The following MYH3 variants were observed in gnomAD, a reference collection of about 807,000 sequenced individuals.
MYH3 encodes the protein myosin-3.
MYH3 carries 130 observed loss-of-function variants against 238.0 expected under a neutral mutation model. That is an observed-to-expected ratio of 0.55 (90% CI 0.47 to 0.63). The LOEUF (loss-of-function observed/expected upper bound fraction) is 0.63. Ranked by LOEUF, MYH3 falls within the 30% of genes least tolerant of loss-of-function variation. The pLI is 0.00. For missense variants in MYH3, 1,853 were observed against 2,374.9 expected (o/e 0.78, Z 4.57); for synonymous variants, 880 against 924.1 (o/e 0.95, Z 0.86).
At chr17:10,671,671 C>G in the MYH3 span, among the ~76,000 whole-genome samples, 1 of 148,266 alleles carries the variant, frequency 6.7e-6, no homozygotes, top group African/African-American at 2.5e-5. Flanking sequence ...GCTCCGCCTC[C>G]CGGGTTCATG....
At chr17:10,668,688 G>C in the MYH3 span, among the ~76,000 whole-genome samples, 178 of 152,272 alleles carry the variant, frequency 1.2e-3, 1 homozygote, top group African/African-American at 4.1e-3. Context: ...CTTACTTATA[G>C]GAGTTTTAGA....
At chr17:10,670,289 T>C in the MYH3 span, among the ~76,000 whole-genome samples, 1 of 152,206 alleles carries the variant, frequency 6.6e-6, no homozygotes, top group African/African-American at 2.4e-5. This position sits in a 1 kb window ranked among gnomAD's most constrained non-coding sequence, Gnocchi z 7.0. Flanking sequence ...GCATCATCAG[T>C]GGATCACAGC....
rs753794812 is a variant in MYH3, at chr17:10,632,621, G to A, written c.4811C>T (p.Ala1604Val). 4 of 1,614,064 alleles carry A rather than the reference G, an allele frequency of 2.5e-6. No homozygotes were observed. Among genetic ancestry groups the A allele is most frequent in the Non-Finnish European group, 3.4e-6 (4 of 1,180,022 alleles). ...GGCTTCATTCCTGCTCCGCACCTCG[G>A]CGTCCAGGGCGCTCTGCATGGTTTC... The part of the protein sequence containing the change: ...TVETMQSALD[A>V]EVRSRNEAIR... The change falls in exon 34 of 41, where the codon GCC becomes GTC. Residue 1604 changes from alanine (A) to valine (V), a missense_variant. This residue lies in a region of MYH3 where 1,044 missense variants were observed against 1,192.6 expected (regional missense o/e 0.88). Coordinates refer to ENST00000583535, the MANE Select transcript of MYH3 (RefSeq NM_002470.4).
chr17:10,640,711 C>T, intron 19 of MYH3, 25 bp from the exon 20 acceptor site: 1 of 1,612,580 alleles, frequency 6.2e-7, no homozygotes, highest in Non-Finnish European at 8.5e-7. Context: ...TGGAAATCAT[C>T]ACAGACTGTT....
chr17:10,633,866 A>G, intron 32 of MYH3, 151 bp from the exon 33 acceptor site: 2 of 1,476,572 alleles, frequency 1.4e-6, no homozygotes, highest in Non-Finnish European at 1.9e-6. Context: ...GAGAGGCTAA[A>G]ACGTAACCCG....
chr17:10,635,919 G>A, intron 28 of MYH3, 66 bp from the exon 29 acceptor site: 1 of 1,314,962 alleles, frequency 7.6e-7, no homozygotes, highest in South Asian at 1.2e-5. Flanking sequence ...TTTCTATTAT[G>A]TGTAGGGCAC....
the MYH3 span, among the ~76,000 whole-genome samples, chr17:10,665,246 G>A: frequency 4.1e-4 from 62 of 152,182 alleles, no homozygotes; most frequent in African/African-American, 1.3e-3. Flanking sequence ...GGGTTCAAGC[G>A]ATTCTCCTGC....
At chr17:10,632,325 C>T (rs1336619286) in intron 34 of MYH3, 151 bp downstream of exon 34, 5 of 947,450 alleles carry the variant, frequency 5.3e-6, no homozygotes, top group Non-Finnish European at 8.3e-6. Flanking sequence ...TGCTATATTG[C>T]CCAGGCTGGT....
rs1567563639 is a variant in MYH3 at position 10,654,162 on chromosome 17, T to TTCC, written c.204+698_204+699insGGA. 2.5e-4 allele frequency among the ~76,000 whole-genome samples: 6 copies of TTCC among 23,980 alleles called. No homozygotes were observed. Among genetic ancestry groups the TTCC allele is most frequent in the Admixed American group, 1.2e-3 (3 of 2,564 alleles). The allele number at this position is 23,980 out of a possible 152,430, so 15.7% of individuals were successfully genotyped here. A position where few individuals can be genotyped will look rare whatever the true frequency, so the allele number is the denominator to read the frequency against. ...TTCTTTCTTTCTTTCTCTTTCTTTC[T>TTCC]TTCCTTCCTTCCTTGCTTTCTTTCT... On this transcript the variant is annotated intron_variant, in intron 3 of 40. Transcript: ENST00000583535. This position sits in a 1 kb window ranked among gnomAD's most constrained non-coding sequence, Gnocchi z 4.5.
rs746477791 is a variant in MYH3 at position 10,632,503 on chromosome 17, G to A, written c.4929C>T (p.His1643=). ...ANRQAAETLK[H]LRSVQGQLKD... ...TCAGCTGTCCCTGGACACTCCTGAG[G>A]TGTTTGAGGGTCTCCGCCGCCTGGC... Residue 1643 remains histidine (H), a synonymous_variant, in exon 34 of 41, where the codon CAC becomes CAT. Coordinates refer to ENST00000583535, the MANE Select transcript of MYH3 (RefSeq NM_002470.4). 2.5e-6 allele frequency: 4 copies of A among 1,614,014 alleles called. No homozygotes were observed. Among genetic ancestry groups the A allele is most frequent in the South Asian group, 1.1e-5 (1 of 91,082 alleles).
Position 10,635,401 on chromosome 17 carries a change from C to T in MYH3, c.4138G>A (p.Ala1380Thr). 2.5e-6 allele frequency: 4 copies of T among 1,614,016 alleles called. No individual in the cohort carries two copies. The highest frequency in any genetic ancestry group is 1.3e-5 in the African/African-American group (1 of 75,058). ...TCCAGCTCTTCTGTGCGCTGGATGG[C>T]GTCCGTCTCGTATTTGGTTCTCCAC... ...AQWRTKYETD[A>T]IQRTEELEEA... The change falls in exon 30 of 41, where the codon GCC (alanine) becomes ACC (threonine). Residue 1380 changes from alanine to threonine, a missense_variant. Ala to Thr is a moderately conservative substitution (Grantham distance 58). Coordinates refer to ENST00000583535, the MANE Select transcript of MYH3 (RefSeq NM_002470.4).
At chr17:10,669,627 G>C in the MYH3 span, among the ~76,000 whole-genome samples, 2 of 151,904 alleles carry the variant, frequency 1.3e-5, no homozygotes, top group African/African-American at 4.8e-5. Flanking sequence ...CTTCAGGTTG[G>C]GCACGGTGGC....
intron 14 of MYH3, 56 bp downstream of exon 14, chr17:10,644,295 A>C (rs2074299933): frequency 1.3e-6 from 2 of 1,578,482 alleles, no homozygotes; most frequent in African/African-American, 1.4e-5. Flanking sequence ...TAGGATCATG[A>C]AACCAATTTC....
the MYH3 span, chr17:10,676,889 AT>A: frequency 2.6e-5 from 4 of 151,868 alleles, no homozygotes; most frequent in Non-Finnish European, 5.9e-5. Flanking sequence ...AATTACCCCT[AT>A]AAGGTCTAAA....
chr17:10,653,509 T>C (rs2074398971), intron 3 of MYH3, among the ~76,000 whole-genome samples: 1 of 151,074 alleles, frequency 6.6e-6, no homozygotes, highest in South Asian at 2.1e-4. Context: ...GGGGTCAGAG[T>C]GTTATAAGCC....
At chr17:10,658,025 A>G (rs917881977), upstream of MYH3, among the ~76,000 whole-genome samples, 6 of 152,124 alleles carry the variant, frequency 3.9e-5, no homozygotes, top group East Asian at 3.9e-4. Flanking sequence ...GCCAGCTCGT[A>G]TTCCCGGCGA....
intron 10 of MYH3, among the ~76,000 whole-genome samples, chr17:10,646,946 G>A (rs962828743): frequency 4.6e-5 from 7 of 152,182 alleles, no homozygotes; most frequent in African/African-American, 1.4e-4. Flanking sequence ...CACTCGGGAG[G>A]CTGGGGCTGG....
chr17:10,642,716 C>T lies in MYH3; in HGVS notation c.1589G>A (p.Gly530Asp). 7 of 1,614,144 alleles carry T rather than the reference C, an allele frequency of 4.3e-6. No individual in the cohort carries two copies. The highest frequency in any genetic ancestry group is 5.9e-6 in the Non-Finnish European group (7 of 1,180,038). ...ACIELIEKPM[G>D]IFSILEEECM... Reference sequence around the variant, plus strand: ...CTCCTCTTCCAGGATGGAGAAGATGCCCATAGGCTGGATTGAAGGCAAGGC... The same window carrying T: ...CTCCTCTTCCAGGATGGAGAAGATGTCCATAGGCTGGATTGAAGGCAAGGC... Residue 530 changes from glycine (G) to aspartate (D), a missense_variant, in exon 16 of 41, where the codon GGC becomes GAC. By Grantham distance (94) the Gly-to-Asp change is moderately conservative. Coordinates refer to ENST00000583535, the MANE Select transcript of MYH3 (RefSeq NM_002470.4). This position sits in a 1 kb window ranked among gnomAD's most constrained non-coding sequence, Gnocchi z 5.4.
chr17:10,674,898 C>G, the MYH3 span: 1 of 152,230 alleles, frequency 6.6e-6, no homozygotes, highest in Non-Finnish European at 1.5e-5. Context: ...ATGTCCCTGG[C>G]TTACTCCATC....
Sources: allele counts gnomAD v4.1 joint callset (sites outside exome capture counted in the v4.1 genomes callset), GRCh38; gene constraint gnomAD v4.1.1; regional missense constraint gnomAD v4.1.1; non-coding constraint Gnocchi (gnomAD v3.1); transcripts MANE v1.5; gene names NCBI Gene and HGNC (gene_info 2026-07-23, HGNC 2026-07-21).